The following FTO variants were observed in gnomAD, a reference collection of about 807,000 sequenced individuals.
The protein encoded by FTO is alpha-ketoglutarate-dependent dioxygenase FTO.
In FTO, 47 loss-of-function variants were observed where a neutral mutation model predicts 63.9. The observed-to-expected ratio is 0.74, with a 90% CI of 0.58 to 0.94. FTO has a LOEUF of 0.94. Among genes scored for constraint, FTO ranks in the 40% least tolerant of loss-of-function variants. The pLI, the probability that FTO is intolerant of heterozygous loss-of-function variation, is 0.00. For synonymous variants in FTO, 207 were observed against 224.4 expected (o/e 0.92, Z 0.69); for missense variants, 562 against 618.1 (o/e 0.91, Z 0.96).
intron 1 of FTO, among the ~76,000 whole-genome samples, chr16:53,778,168 A>G (rs1204966085): frequency 1.3e-5 from 2 of 152,188 alleles, no homozygotes; most frequent in Non-Finnish European, 2.9e-5. Flanking sequence ...TAAAGAACAT[A>G]GCAACTAGTA....
intron 8 of FTO, among the ~76,000 whole-genome samples, chr16:54,099,858 C>A (rs568175107): frequency 6.6e-6 from 1 of 152,144 alleles, no homozygotes; most frequent in Non-Finnish European, 1.5e-5. Context: ...GCCAAGTTGC[C>A]GCTCTACAGG....
At chr16:53,862,645 C>T (rs1472669705) in intron 4 of FTO, among the ~76,000 whole-genome samples, 2 of 151,186 alleles carry the variant, frequency 1.3e-5, no homozygotes, top group African/African-American at 4.9e-5. Context: ...AAGCAATTCT[C>T]CTGCCTCTGC....
chr16:53,717,653 G>A (rs2075926592), intron 1 of FTO, among the ~76,000 whole-genome samples: 1 of 151,968 alleles, frequency 6.6e-6, no homozygotes, highest in African/African-American at 2.4e-5. Flanking sequence ...TAGATTAACA[G>A]TCATGCATTC....
At chr16:54,008,446 A>G (rs537651352) in intron 8 of FTO, 1 of 150,004 alleles carries the variant, frequency 6.7e-6, no homozygotes, top group Non-Finnish European at 1.5e-5. Flanking sequence ...CTTCGTTTAT[A>G]CTTCCAAAGG....
intron 8 of FTO, among the ~76,000 whole-genome samples, chr16:54,107,346 G>C (rs1209745801): frequency 6.6e-6 from 1 of 152,080 alleles, no homozygotes; most frequent in Non-Finnish European, 1.5e-5. Context: ...GTAGGACTTG[G>C]GAATGACACT....
chr16:54,029,721 A>G (rs1188444107), intron 8 of FTO, among the ~76,000 whole-genome samples: 1 of 152,206 alleles, frequency 6.6e-6, no homozygotes, highest in African/African-American at 2.4e-5. Flanking sequence ...CTCCACAAGT[A>G]TCTTTCTGTG....
chr16:54,000,802 G>A (rs2084048147), intron 8 of FTO, among the ~76,000 whole-genome samples: 1 of 152,184 alleles, frequency 6.6e-6, no homozygotes, highest in Non-Finnish European at 1.5e-5. Context: ...AATGTATGAT[G>A]AATAGTGAAG....
At chr16:53,754,856 A>G (rs1163146036) in intron 1 of FTO, among the ~76,000 whole-genome samples, 3 of 152,216 alleles carry the variant, frequency 2.0e-5, no homozygotes, top group Non-Finnish European at 4.4e-5. Flanking sequence ...TAGTCTTTAC[A>G]TGTTCTTCCA....
intron 8 of FTO, among the ~76,000 whole-genome samples, chr16:54,080,031 G>T (rs2086102034): frequency 6.6e-6 from 1 of 152,050 alleles, no homozygotes; most frequent in Admixed American, 6.6e-5. Context: ...TGAATCTGTT[G>T]GTCGCTCTCC....
intron 8 of FTO, among the ~76,000 whole-genome samples, chr16:54,099,911 G>A (rs753266509): frequency 2.0e-5 from 3 of 152,180 alleles, no homozygotes; most frequent in Admixed American, 1.3e-4. Flanking sequence ...AAATGGAGCT[G>A]AATTGAATGT....
intron 8 of FTO, among the ~76,000 whole-genome samples, chr16:54,086,361 T>A (rs530139374): frequency 1.3e-3 from 193 of 152,158 alleles, no homozygotes; most frequent in Non-Finnish European, 2.3e-3. Flanking sequence ...ATCAAAAGAG[T>A]TAATAATTGG....
chr16:53,885,808 G>A (rs1249717424), intron 6 of FTO, among the ~76,000 whole-genome samples: 1 of 152,110 alleles, frequency 6.6e-6, no homozygotes, highest in East Asian at 1.9e-4. Context: ...GAGTTTAGTG[G>A]CGCGATCATG....
intron 8 of FTO, among the ~76,000 whole-genome samples, chr16:54,062,974 C>CTGT (rs2085620838): frequency 6.6e-6 from 1 of 152,164 alleles, no homozygotes; most frequent in African/African-American, 2.4e-5. Flanking sequence ...TGTGTGTGTG[C>CTGT]ACACATGCGC....
rs190062231 is a variant in FTO, at chr16:53,741,835, G to A, written c.45+37606G>A. Among the ~76,000 whole-genome samples, 31 of 152,242 alleles carry A rather than the reference G, an allele frequency of 2.0e-4. No homozygotes were observed. In the East Asian group the frequency reaches 5.8e-3, roughly 28 times the overall value. The stretch of plus-strand genomic sequence containing the variant: ...GCTTAGCTAGTTGTCTCTGGCTCAG[G>A]GTCTCACAAAGCTGTTGGCTGGGAA... On this transcript the variant is annotated intron_variant, in intron 1 of 8. Coordinates refer to ENST00000471389, the MANE Select transcript of FTO (RefSeq NM_001080432.3).
chr16:53,850,321 T>C lies in FTO; in HGVS notation c.895+6023T>C, dbSNP rs145974614. Among the ~76,000 whole-genome samples the C allele has an allele frequency of 1.4e-3, 215 of 151,982 alleles. 1 individual carries two copies. Among genetic ancestry groups the C allele is most frequent in the African/African-American group, 4.8e-3 (199 of 41,318 alleles). Reference sequence around the variant, plus strand: ...TTATCTTCTCAGGAACTGCACTGTTTGCTTCTTGTGTTCAATTTTTTTTTT... The same window carrying C: ...TTATCTTCTCAGGAACTGCACTGTTCGCTTCTTGTGTTCAATTTTTTTTTT... On this transcript the variant is annotated intron_variant, in intron 4 of 8. Transcript: ENST00000471389.
At chr16:54,109,144 G>C (rs1170456252) in intron 8 of FTO, among the ~76,000 whole-genome samples, 1 of 152,092 alleles carries the variant, frequency 6.6e-6, no homozygotes, top group Non-Finnish European at 1.5e-5. Flanking sequence ...TTTGGAAATT[G>C]GCAAGGAACA....
chr16:53,741,220 G>A (rs929792778), intron 1 of FTO, among the ~76,000 whole-genome samples: 1 of 152,106 alleles, frequency 6.6e-6, no homozygotes, highest in Non-Finnish European at 1.5e-5. Flanking sequence ...AGCCTGACGT[G>A]TTCATTATTA....
At chr16:53,784,496 G>C (rs1598648120) in intron 1 of FTO, among the ~76,000 whole-genome samples, 1 of 152,298 alleles carries the variant, frequency 6.6e-6, no homozygotes, top group Admixed American at 6.5e-5. Flanking sequence ...TGACTTGGTA[G>C]AAAGATAGCC....
chr16:53,741,701 G>T (rs2076531470), intron 1 of FTO, among the ~76,000 whole-genome samples: 1 of 152,094 alleles, frequency 6.6e-6, no homozygotes, highest in Non-Finnish European at 1.5e-5. Flanking sequence ...TAGAGAGAGG[G>T]TGACTAAACT....
Sources: gnomAD v4.1 joint callset for allele counts (sites outside exome capture counted in the v4.1 genomes callset) on GRCh38, gnomAD v4.1.1 for gene constraint, MANE v1.5 for transcripts, NCBI Gene and HGNC (gene_info 2026-07-23, HGNC 2026-07-21) for gene names.